IKBKB: variants seen among roughly 807,000 people sequenced by gnomAD.
IKBKB encodes the protein inhibitor of nuclear factor kappa-B kinase subunit beta.
In IKBKB, 42 loss-of-function variants were observed where a neutral mutation model predicts 113.6. The observed-to-expected ratio is 0.37, with a 90% CI of 0.29 to 0.48. The LOEUF (loss-of-function observed/expected upper bound fraction) is 0.48. IKBKB is among the 20% of genes least tolerant of loss of function. The probability of loss-of-function intolerance (pLI) is 0.99; values close to 1 mark genes in which losing one functional copy is unlikely to be tolerated. For missense variants in IKBKB, 673 were observed against 939.7 expected, an observed-to-expected ratio of 0.72 and a Z score of 3.71; for synonymous variants, 296 against 361.3, an observed-to-expected ratio of 0.82 and a Z score of 2.05.
At chr8:42,299,813 TG>T (rs1277268563) in intron 5 of IKBKB, among the ~76,000 whole-genome samples, 3 of 152,210 alleles carry the variant, frequency 2.0e-5, no homozygotes, top group Non-Finnish European at 4.4e-5. Context: ...TGCCCCTCTG[TG>T]GGGATTGCCT....
At chr8:42,284,615 T>G (rs1430000282) in intron 2 of IKBKB, among the ~76,000 whole-genome samples, 1 of 151,406 alleles carries the variant, frequency 6.6e-6, no homozygotes, top group Non-Finnish European at 1.5e-5. Flanking sequence ...GTGATACTGC[T>G]ACAACAGGAA....
At chr8:42,299,743 C>CT (rs1814761224) in intron 5 of IKBKB, among the ~76,000 whole-genome samples, 1 of 152,248 alleles carries the variant, frequency 6.6e-6, no homozygotes, top group African/African-American at 2.4e-5. Flanking sequence ...CTTGTGGAAG[C>CT]TGTTCTTGCA....
chr8:42,277,057 A>G (rs1400250811), intron 2 of IKBKB, among the ~76,000 whole-genome samples: 1 of 149,882 alleles, frequency 6.7e-6, no homozygotes, highest in East Asian at 2.0e-4. Context: ...TTTTTAGTAG[A>G]GATGGGGTTT....
Position 42,319,427 on chromosome 8 carries a change from T to C in IKBKB, c.1516+6T>C, listed in dbSNP as rs1338772604. ...GCAAACCGAGTTTGGGATCAGTGAG[T>C]GTGCACTTTGCAATGAGTTTAAAGA... On this transcript the variant is annotated splice_donor_region_variant and intron_variant, in intron 14 of 21. Coordinates refer to ENST00000520810, the MANE Select transcript of IKBKB (RefSeq NM_001556.3). 1 of 1,614,184 alleles carries C rather than the reference T, an allele frequency of 6.2e-7. No homozygotes were observed. Among genetic ancestry groups the C allele is most frequent in the Admixed American group, 1.7e-5 (1 of 60,024 alleles).
chr8:42,274,566 CTT>C (rs1156336506), intron 2 of IKBKB, among the ~76,000 whole-genome samples: 2 of 143,738 alleles, frequency 1.4e-5, no homozygotes, highest in Non-Finnish European at 3.0e-5. Context: ...GAGTTTTGCT[CTT>C]GTCGCCCAGG....
At chr8:42,296,547 G>A (rs1348656864) in intron 5 of IKBKB, among the ~76,000 whole-genome samples, 1 of 152,112 alleles carries the variant, frequency 6.6e-6, no homozygotes, top group Non-Finnish European at 1.5e-5. Context: ...TACTCGGGGG[G>A]CTGAGGCAGG....
intron 2 of IKBKB, among the ~76,000 whole-genome samples, chr8:42,276,754 G>A (rs1365478590): frequency 6.6e-6 from 1 of 151,360 alleles, no homozygotes. Flanking sequence ...GCTGAGACAG[G>A]TGCGATCTCG....
intron 5 of IKBKB, chr8:42,298,354 C>G: frequency 1.0e-6 from 1 of 985,412 alleles, no homozygotes; most frequent in South Asian, 4.7e-5. Context: ...GGAACCCACC[C>G]CTCTGTTGCT....
At chr8:42,296,397 C>T (rs983403665) in intron 5 of IKBKB, among the ~76,000 whole-genome samples, 3 of 152,048 alleles carry the variant, frequency 2.0e-5, no homozygotes, top group African/African-American at 7.2e-5. Context: ...TTTGGGAGGC[C>T]GAGGTGGGCA....
At position 42,278,393 on chromosome 8, in the gene IKBKB, G is replaced by C. The variant is rs150744026; in HGVS notation, c.105+6188G>C. Among the ~76,000 whole-genome samples, 4 of 152,286 alleles carry C rather than the reference G, an allele frequency of 2.6e-5. No homozygotes were observed. The East Asian group carries it at 7.7e-4, about 29-fold the overall frequency. ...CAGTGGAACGATGTTAGAGGGAGGC[G>C]CTGTGCCCATGGGGACAGATTGGGA... On this transcript the variant is annotated intron_variant, in intron 2 of 21. Transcript: ENST00000520810.
Position 42,317,771 on chromosome 8 carries a change from C to T in IKBKB, c.1240C>T (p.Leu414Phe), listed in dbSNP as rs375520322. The change falls in exon 12 of 22, where the codon CTT (leucine) becomes TTT (phenylalanine). Residue 414 changes from leucine to phenylalanine, a missense_variant and splice_region_variant. Around this residue, in one of 2 missense-constraint regions of IKBKB, gnomAD observed 506 missense variants for 638.7 expected, o/e 0.79. Coordinates refer to ENST00000520810, the MANE Select transcript of IKBKB (RefSeq NM_001556.3). ...CCAACCTGAAAGTGTCAGCTGTATC[C>T]GTAAGAATTTGTTATGTTTTGTTTT... ...RPQPESVSCI[L>F]QEPKRNLAFF... The T allele has an allele frequency of 3.8e-6, 6 of 1,595,316 alleles. No homozygotes were observed. The highest frequency in any genetic ancestry group is 1.1e-5 in the South Asian group (1 of 90,714).
intron 8 of IKBKB, among the ~76,000 whole-genome samples, chr8:42,313,251 G>C (rs1357721954): frequency 6.6e-6 from 1 of 152,130 alleles, no homozygotes; most frequent in East Asian, 1.9e-4. Flanking sequence ...AGGAGTTTCA[G>C]ACTAGCCTAG....
At chr8:42,304,588 T>C (rs1370836002) in intron 5 of IKBKB, among the ~76,000 whole-genome samples, 3 of 152,190 alleles carry the variant, frequency 2.0e-5, no homozygotes, top group Non-Finnish European at 2.9e-5. Context: ...TAAGTCTGTG[T>C]AGGGCTGTCT....
intron 2 of IKBKB, among the ~76,000 whole-genome samples, chr8:42,283,300 C>A (rs966879360): frequency 5.9e-5 from 9 of 152,014 alleles, no homozygotes; most frequent in East Asian, 1.9e-4. Flanking sequence ...GTAGAATAAT[C>A]CCCCCCAACC....
rs527480131 is a variant in IKBKB at position 42,291,814 on chromosome 8, C to T, written c.318+1541C>T. On this transcript the variant is annotated intron_variant, in intron 4 of 21. Coordinates refer to ENST00000520810, the MANE Select transcript of IKBKB (RefSeq NM_001556.3). Reference sequence around the variant, plus strand: ...AGATGTGGTGGTGTGCGCTTGTGGTCCCTACTACTTTGGAGGCTGGGGTGG... The same window carrying T: ...AGATGTGGTGGTGTGCGCTTGTGGTTCCTACTACTTTGGAGGCTGGGGTGG... Among the ~76,000 whole-genome samples, 28 of 152,170 alleles carry T rather than the reference C, an allele frequency of 1.8e-4. 1 individual carries two copies. In the East Asian group the frequency reaches 5.2e-3, roughly 28 times the overall value.
intron 1 of IKBKB, chr8:42,271,842 C>T: frequency 1.8e-6 from 1 of 556,674 alleles, no homozygotes; most frequent in South Asian, 2.3e-5. Flanking sequence ...CATCGCCTCC[C>T]TCGGTGACTT....
intron 4 of IKBKB, 34 bp downstream of exon 4, chr8:42,290,307 G>C (rs201510151): frequency 1.5e-5 from 21 of 1,441,086 alleles, no homozygotes; most frequent in South Asian, 3.4e-5. Flanking sequence ...TGCACAGCCT[G>C]TCTGGGCAGG....
rs974997231 is a variant in IKBKB at position 42,325,810 on chromosome 8, A to G, written c.1987-160A>G. 4 of 1,478,122 alleles carry G rather than the reference A, an allele frequency of 2.7e-6. No individual in the cohort carries two copies. In the African/African-American group the frequency reaches 4.2e-5, roughly 16 times the overall value. 91.6% of individuals were successfully genotyped at this position (1,478,122 alleles called of 1,614,324 possible). On this transcript the variant is annotated intron_variant, in intron 19 of 21. Coordinates refer to ENST00000520810, the MANE Select transcript of IKBKB (RefSeq NM_001556.3). ...GAAACACTTTTGAAGCCAGATGTGAAGCACCAGTTGACCCGCAGGTGGGGG... is the reference window on the plus strand; with the variant it reads ...GAAACACTTTTGAAGCCAGATGTGAGGCACCAGTTGACCCGCAGGTGGGGG...
chr8:42,271,900 G>A, intron 1 of IKBKB, 183 bp from the exon 2 acceptor site: 1 of 660,908 alleles, frequency 1.5e-6, no homozygotes, highest in Non-Finnish European at 2.5e-6. Context: ...GGGTGAGAGG[G>A]ACAAAAGTTT....
Sources: gnomAD v4.1 joint callset for allele counts (sites outside exome capture counted in the v4.1 genomes callset) on GRCh38, gnomAD v4.1.1 for gene constraint, gnomAD v4.1.1 regional missense constraint, MANE v1.5 for transcripts, NCBI Gene and HGNC (gene_info 2026-07-23, HGNC 2026-07-21) for gene names.